Variants in LDAH observed in about 807,000 individuals in gnomAD.
LDAH encodes the protein lipid droplet-associated hydrolase.
LDAH carries 26 observed loss-of-function variants against 29.6 expected under a neutral mutation model. The ratio of observed to expected loss-of-function variants is 0.88; its 90% CI spans 0.64 to 1.22. The LOEUF (loss-of-function observed/expected upper bound fraction) is 1.22. LDAH is among the 50% of genes most tolerant of loss of function. The probability of loss-of-function intolerance (pLI) is 0.00; values close to 1 mark genes in which losing one functional copy is unlikely to be tolerated. For synonymous variants in LDAH, 117 were observed against 133.0 expected, an observed-to-expected ratio of 0.88 and a Z score of 0.83; for missense variants, 344 against 387.3, an observed-to-expected ratio of 0.89 and a Z score of 0.94.
Position 20,686,845 on chromosome 2 carries a change from GTC to G in LDAH, c.*56_*57del. The G allele has an allele frequency of 7.0e-7, 1 of 1,438,030 alleles. No homozygotes were observed. The highest frequency in any genetic ancestry group is 9.6e-7 in the Non-Finnish European group (1 of 1,044,068). The allele number at this position is 1,438,030 out of a possible 1,614,324, so 89.1% of individuals were successfully genotyped here. ...TCAAAATTAAACATTTACCTACTAA[GTC>G]TAGTACACTGACTGCCTCCATGTAC... On this transcript the variant is annotated 3_prime_UTR_variant, in exon 7 of 7. Transcript: ENST00000237822.
intron 5 of LDAH, among the ~76,000 whole-genome samples, chr2:20,709,721 TAATAGTCA>T (rs1349296806): frequency 6.6e-6 from 1 of 152,126 alleles, no homozygotes; most frequent in African/African-American, 2.4e-5. Context: ...ATATTATTCA[TAATAGTCA>T]AAGAGTGCAA....
intron 6 of LDAH, among the ~76,000 whole-genome samples, chr2:20,687,991 G>A (rs1662691412): frequency 6.6e-6 from 1 of 152,228 alleles, no homozygotes; most frequent in South Asian, 2.1e-4. Context: ...GCCAGCTGTA[G>A]TCACTTGCAG....
At chr2:20,687,430 T>C (rs977814003) in intron 6 of LDAH, among the ~76,000 whole-genome samples, 2 of 152,228 alleles carry the variant, frequency 1.3e-5, no homozygotes, top group Non-Finnish European at 2.9e-5. Context: ...CGAAGACAGT[T>C]ATTGAGACAT....
intron 4 of LDAH, among the ~76,000 whole-genome samples, chr2:20,747,355 T>C (rs1667642775): frequency 6.6e-6 from 1 of 152,062 alleles, no homozygotes; most frequent in Admixed American, 6.6e-5. Context: ...CCCAATGTAT[T>C]TATGGCAGGG....
intron 1 of LDAH, among the ~76,000 whole-genome samples, chr2:20,815,962 T>C (rs1186318591): frequency 6.6e-6 from 1 of 152,012 alleles, no homozygotes; most frequent in Non-Finnish European, 1.5e-5. Context: ...TCAAGGTGTA[T>C]AGAGAAAATA....
chr2:20,795,956 CA>C (rs1671278070), intron 2 of LDAH, among the ~76,000 whole-genome samples: 2 of 141,846 alleles, frequency 1.4e-5, no homozygotes, highest in African/African-American at 5.1e-5. Context: ...CACACACACA[CA>C]CACACACACA....
rs187827846 is a variant in LDAH, at chr2:20,694,106, C to T, written c.787-7012G>A. Among the ~76,000 whole-genome samples, 12 of 152,334 alleles carry T rather than the reference C, an allele frequency of 7.9e-5. 1 individual carries two copies. The East Asian group carries it at 2.3e-3, about 29-fold the overall frequency. Reference sequence around the variant, plus strand: ...CAGATATAAAGCAGTCGGTTGAATACCAAGGGATCAAATTAGTACCTACAC... The same window carrying T: ...CAGATATAAAGCAGTCGGTTGAATATCAAGGGATCAAATTAGTACCTACAC... On this transcript the variant is annotated intron_variant, in intron 6 of 6. Transcript: ENST00000237822.
chr2:20,808,774 C>G (rs1246171217), intron 1 of LDAH, among the ~76,000 whole-genome samples: 3 of 151,542 alleles, frequency 2.0e-5, no homozygotes, highest in African/African-American at 7.3e-5. Flanking sequence ...ACAACATAGA[C>G]AAAACAGTGG....
intron 2 of LDAH, among the ~76,000 whole-genome samples, chr2:20,795,306 G>A (rs186889988): frequency 0.032 from 4,897 of 152,196 alleles, 277 homozygotes; most frequent in African/African-American, 0.11. Flanking sequence ...GGAGAGGAAC[G>A]AAAACTGCCA....
At chr2:20,717,181 A>G (rs186703480) in intron 5 of LDAH, among the ~76,000 whole-genome samples, 8 of 152,338 alleles carry the variant, frequency 5.3e-5, no homozygotes, top group Admixed American at 4.6e-4. Context: ...AGAATATTTC[A>G]TAACTTTGGG....
intron 5 of LDAH, among the ~76,000 whole-genome samples, chr2:20,714,967 G>T (rs898352688): frequency 2.6e-5 from 4 of 152,162 alleles, no homozygotes; most frequent in Admixed American, 2.6e-4. Flanking sequence ...AGAGGAGCTG[G>T]TACCATTCCT....
intron 2 of LDAH, among the ~76,000 whole-genome samples, chr2:20,799,319 C>A (rs1006150158): frequency 6.6e-6 from 1 of 151,960 alleles, no homozygotes; most frequent in Non-Finnish European, 1.5e-5. Flanking sequence ...TCTGTTGGAA[C>A]TAGAAAAGCT....
At chr2:20,753,503 G>C (rs952915932) in intron 4 of LDAH, among the ~76,000 whole-genome samples, 2 of 152,232 alleles carry the variant, frequency 1.3e-5, no homozygotes, top group African/African-American at 4.8e-5. Context: ...AATTCAAGAA[G>C]TTGGCTTAAT....
At position 20,741,565 on chromosome 2, in the gene LDAH, A is replaced by C. The variant is rs1376583915; in HGVS notation, c.469-1360T>G. On this transcript the variant is annotated intron_variant, in intron 4 of 6. Transcript: ENST00000237822. The stretch of plus-strand genomic sequence containing the variant: ...CTGTGCAATATATCCCAAAGGAAAA[A>C]ACGTTATTACTTCTGTCTATTTGAG... 3.3e-5 allele frequency among the ~76,000 whole-genome samples: 5 copies of C among 152,218 alleles called. No homozygotes were observed. In the South Asian group the frequency reaches 6.2e-4, roughly 19 times the overall value.
At chr2:20,729,364 T>C (rs4143117) in intron 5 of LDAH, among the ~76,000 whole-genome samples, 38,683 of 152,198 alleles carry the variant, frequency 0.25, 5,284 homozygotes, top group East Asian at 0.36. Flanking sequence ...ATTATGTATT[T>C]AGTAAATATA....
chr2:20,757,134 G>A (rs1668392306), intron 4 of LDAH, among the ~76,000 whole-genome samples: 1 of 152,180 alleles, frequency 6.6e-6, no homozygotes, highest in Admixed American at 6.5e-5. Context: ...AGGCTAAAAT[G>A]CTAGGGAAAA....
intron 5 of LDAH, among the ~76,000 whole-genome samples, chr2:20,710,678 A>ATACACATATAT: frequency 6.8e-6 from 1 of 146,610 alleles, no homozygotes; most frequent in Admixed American, 6.9e-5. Context: ...TTATACATAT[A>ATACACATATAT]TATACACATA....
chr2:20,750,416 C>G (rs1156293038), intron 4 of LDAH, among the ~76,000 whole-genome samples: 1 of 152,208 alleles, frequency 6.6e-6, no homozygotes, highest in Non-Finnish European at 1.5e-5. Context: ...CCTAATGGGA[C>G]TGGATAGCAT....
intron 5 of LDAH, among the ~76,000 whole-genome samples, chr2:20,716,191 T>C (rs997142189): frequency 7.9e-5 from 12 of 152,122 alleles, no homozygotes; most frequent in African/African-American, 2.9e-4. Context: ...GATCTAGAAC[T>C]AGAAATACCA....
Sources: allele counts gnomAD v4.1 joint callset (sites outside exome capture counted in the v4.1 genomes callset), GRCh38; gene constraint gnomAD v4.1.1; transcripts MANE v1.5; gene names NCBI Gene and HGNC (gene_info 2026-07-23, HGNC 2026-07-21).